The following TP63 variants were observed in gnomAD, a reference collection of about 807,000 sequenced individuals.
The protein encoded by TP63 is tumor protein 63.
A neutral mutation model predicts 82.8 loss-of-function variants in TP63; 17 were observed. The ratio of observed to expected loss-of-function variants is 0.21; its 90% CI spans 0.14 to 0.31. The LOEUF is 0.31. TP63 is among the 10% of genes least tolerant of loss of function. The pLI is 1.00. For missense variants in TP63, 648 were observed against 895.3 expected (o/e 0.72, Z 3.52); for synonymous variants, 330 against 321.7 (o/e 1.03, Z -0.28).
intron 1 of TP63, among the ~76,000 whole-genome samples, chr3:189,732,592 A>G (rs892971946): frequency 6.6e-6 from 1 of 152,242 alleles, no homozygotes; most frequent in East Asian, 1.9e-4. Flanking sequence ...TATGACAATT[A>G]TGTTGCACAT....
chr3:189,731,554 C>A (rs1435961783), intron 1 of TP63, among the ~76,000 whole-genome samples: 1 of 152,032 alleles, frequency 6.6e-6, no homozygotes, highest in Admixed American at 6.5e-5. Context: ...GATTTTCAAG[C>A]ACACTGACAG....
intron 3 of TP63, 81 bp from the exon 4 acceptor site, chr3:189,808,191 A>T (rs528138086): frequency 6.2e-7 from 1 of 1,612,430 alleles, no homozygotes; most frequent in African/African-American, 1.3e-5. Flanking sequence ...TGTAGAATGC[A>T]TTCACCCATG....
At chr3:189,629,814 T>C (rs935042504), upstream of TP63, among the ~76,000 whole-genome samples, 1 of 152,212 alleles carries the variant, frequency 6.6e-6, no homozygotes, top group African/African-American at 2.4e-5. Context: ...AGGAAATTGA[T>C]TATTTTTAAT....
intron 4 of TP63, among the ~76,000 whole-genome samples, chr3:189,846,012 C>T (rs950033231): frequency 6.6e-6 from 1 of 151,818 alleles, no homozygotes; most frequent in East Asian, 1.9e-4. Context: ...TATTACCTGG[C>T]ACCTCTATGC....
chr3:189,826,479 T>A (rs13083327), intron 4 of TP63, among the ~76,000 whole-genome samples: 33 of 152,154 alleles, frequency 2.2e-4, no homozygotes, highest in Middle Eastern at 6.8e-3. Flanking sequence ...CACATACAGT[T>A]TTTATTTGAG....
rs77270890 is a variant in TP63, at chr3:189,883,122, C to T, written c.1350-3272C>T. On this transcript the variant is annotated intron_variant, in intron 10 of 13. Coordinates refer to ENST00000264731, the MANE Select transcript of TP63 (RefSeq NM_003722.5). Reference sequence around the variant, plus strand: ...ATTCTTCTGAACACATTTTCCTTCTCTTTAGTTTCTCCAGAAATTTTTGGA... The same window carrying T: ...ATTCTTCTGAACACATTTTCCTTCTTTTTAGTTTCTCCAGAAATTTTTGGA... 3.7e-3 allele frequency among the ~76,000 whole-genome samples: 568 copies of T among 152,208 alleles called. 4 individuals are homozygous for T. The highest frequency in any genetic ancestry group is 0.013 in the African/African-American group (535 of 41,540).
chr3:189,826,459 C>G (rs1263970853), intron 4 of TP63, among the ~76,000 whole-genome samples: 2 of 152,156 alleles, frequency 1.3e-5, no homozygotes, highest in Non-Finnish European at 2.9e-5. Flanking sequence ...AACTTTCTGG[C>G]ATTCCAAGAC....
At position 189,838,196 on chromosome 3, in the gene TP63, T is replaced by G. The variant is rs577363075; in HGVS notation, c.580-26036T>G. Among the ~76,000 whole-genome samples the G allele has an allele frequency of 3.9e-5, 6 of 152,272 alleles. No homozygotes were observed. The East Asian group carries it at 9.7e-4, about 25-fold the overall frequency. The stretch of plus-strand genomic sequence containing the variant: ...CTTACCTCCCTTCCTCTCTCCTATT[T>G]ATTCTTCCTACCTTTTTGTTGTTGC... On this transcript the variant is annotated intron_variant, in intron 4 of 13. Coordinates refer to ENST00000264731, the MANE Select transcript of TP63 (RefSeq NM_003722.5).
intron 3 of TP63, chr3:189,789,670 A>G (rs1171873571): frequency 6.9e-7 from 1 of 1,450,086 alleles, no homozygotes; most frequent in South Asian, 1.5e-5. Context: ...AGAGAGAGAA[A>G]GAGAGAGAGG....
chr3:189,885,771 T>C (rs746053855), intron 10 of TP63, among the ~76,000 whole-genome samples: 3 of 152,218 alleles, frequency 2.0e-5, no homozygotes. Flanking sequence ...GGCTTCAGCG[T>C]TCTCCTGTGT....
At chr3:189,879,216 A>T (rs547965881) in intron 10 of TP63, among the ~76,000 whole-genome samples, 9 of 152,340 alleles carry the variant, frequency 5.9e-5, no homozygotes, top group African/African-American at 1.9e-4. Flanking sequence ...TAAGCAAATA[A>T]AAATGACTTT....
chr3:189,829,833 C>A (rs763632081), intron 4 of TP63: 8 of 293,540 alleles, frequency 2.7e-5, no homozygotes, highest in Non-Finnish European at 4.8e-5. Context: ...CAAATATTAG[C>A]CCTTTTAATT....
intron 3 of TP63, among the ~76,000 whole-genome samples, chr3:189,803,743 A>C (rs1211988145): frequency 6.6e-6 from 1 of 152,246 alleles, no homozygotes; most frequent in Non-Finnish European, 1.5e-5. Flanking sequence ...TCCAGGGTCC[A>C]AACAGTGATT....
At chr3:189,850,616 T>C (rs1287509972) in intron 4 of TP63, among the ~76,000 whole-genome samples, 3 of 152,148 alleles carry the variant, frequency 2.0e-5, no homozygotes, top group African/African-American at 4.8e-5. Flanking sequence ...TTAGGAGATA[T>C]ACCTAATGCT....
intron 1 of TP63, among the ~76,000 whole-genome samples, chr3:189,648,917 A>G (rs1712650834): frequency 6.8e-6 from 1 of 147,404 alleles, no homozygotes; most frequent in Non-Finnish European, 1.5e-5. Context: ...TGAAGATCAC[A>G]TAGATGCCTA....
chr3:189,685,070 A>G (rs867329295), intron 1 of TP63, among the ~76,000 whole-genome samples: 1 of 152,246 alleles, frequency 6.6e-6, no homozygotes, highest in Admixed American at 6.5e-5. Flanking sequence ...ATAAATGAGA[A>G]TAGACAAATA....
intron 1 of TP63, among the ~76,000 whole-genome samples, chr3:189,637,704 G>T (rs1363306513): frequency 6.6e-6 from 1 of 152,078 alleles, no homozygotes; most frequent in Admixed American, 6.6e-5. Flanking sequence ...GACCTACCTG[G>T]GAGGTAGGCA....
intron 1 of TP63, among the ~76,000 whole-genome samples, chr3:189,650,093 C>T (rs867997781): frequency 1.4e-5 from 2 of 146,438 alleles, no homozygotes; most frequent in East Asian, 4.8e-4. Flanking sequence ...GAATAGTTGA[C>T]GTTTACAGAG....
At chr3:189,882,240 C>G (rs938201435) in intron 10 of TP63, among the ~76,000 whole-genome samples, 1 of 151,814 alleles carries the variant, frequency 6.6e-6, no homozygotes, top group Non-Finnish European at 1.5e-5. Context: ...TTCTTTCAGC[C>G]TTTTTTAAGT....
Sources: allele counts gnomAD v4.1 joint callset (sites outside exome capture counted in the v4.1 genomes callset), GRCh38; gene constraint gnomAD v4.1.1; transcripts MANE v1.5; gene names NCBI Gene and HGNC (gene_info 2026-07-23, HGNC 2026-07-21).